Variants in TXNDC9 observed in about 807,000 individuals in gnomAD.
The protein encoded by TXNDC9 is thioredoxin domain-containing protein 9.
Under a neutral mutation model 23.0 loss-of-function variants are expected in TXNDC9, and 7 were observed. The observed-to-expected ratio is 0.30, with a 90% confidence interval of 0.17 to 0.57. The LOEUF (loss-of-function observed/expected upper bound fraction) is 0.57, where lower values mean the gene tolerates loss of function less well. Among genes scored for constraint, TXNDC9 ranks in the 20% least tolerant of loss-of-function variants. The probability of loss-of-function intolerance (pLI) is 0.90; values close to 1 mark genes in which losing one functional copy is unlikely to be tolerated. For synonymous variants in TXNDC9, 72 were observed against 90.6 expected (o/e 0.79, Z 1.17); for missense variants, 198 against 252.6 (o/e 0.78, Z 1.47).
the TXNDC9 span, among the ~76,000 whole-genome samples, chr2:99,307,141 C>G: frequency 0.014 from 1,894 of 132,016 alleles, 33 homozygotes; most frequent in Middle Eastern, 0.05. Flanking sequence ...TCTCTTCCTT[C>G]CTTGTTTTCT....
At chr2:99,328,284 A>G (rs2094217519) in intron 2 of TXNDC9, among the ~76,000 whole-genome samples, 1 of 142,422 alleles carries the variant, frequency 7.0e-6, no homozygotes, top group South Asian at 2.2e-4. Flanking sequence ...TTTTTTTGGT[A>G]GAGACGGGGT....
Position 99,333,167 on chromosome 2 carries a change from T to A in TXNDC9, c.44A>T (p.Glu15Val). ...ASVDMFSKVL[E>V]HQLLQTTKLV... ...TTTGGTAGTCTGAAGCAGCTGATGCTCCAGGACTTTGGAAAACATGTCAAC... is the reference window on the plus strand; with the variant it reads ...TTTGGTAGTCTGAAGCAGCTGATGCACCAGGACTTTGGAAAACATGTCAAC... Residue 15 changes from glutamate (E) to valine (V), a missense_variant, in exon 2 of 5, where the codon GAG becomes GTG. Coordinates refer to ENST00000264255, the MANE Select transcript of TXNDC9 (RefSeq NM_005783.4). 6.2e-7 allele frequency: 1 copy of A among 1,614,168 alleles called. No homozygotes were observed. Among genetic ancestry groups the A allele is most frequent in the Non-Finnish European group, 8.5e-7 (1 of 1,180,024 alleles).
chr2:99,315,287 G>C (rs906775285), downstream of TXNDC9, among the ~76,000 whole-genome samples: 45 of 151,632 alleles, frequency 3.0e-4, no homozygotes, highest in African/African-American at 1.1e-3. Flanking sequence ...GGATGGTCTC[G>C]ATCTCCTGAC....
chr2:99,327,052 C>A (rs1458502142), intron 3 of TXNDC9, among the ~76,000 whole-genome samples: 2 of 152,072 alleles, frequency 1.3e-5, no homozygotes, highest in East Asian at 3.9e-4. Context: ...TTAAGTTACT[C>A]TTTAAAATAA....
chr2:99,323,021 G>A (rs59992428), intron 3 of TXNDC9, among the ~76,000 whole-genome samples: 3 of 151,632 alleles, frequency 2.0e-5, no homozygotes, highest in South Asian at 2.1e-4. Flanking sequence ...TCGGCCTCCC[G>A]AAGTGCTAGG....
chr2:99,317,036 G>A (rs982336762), downstream of TXNDC9, among the ~76,000 whole-genome samples: 4 of 152,282 alleles, frequency 2.6e-5, no homozygotes, highest in East Asian at 1.9e-4. Context: ...GATTACAGGC[G>A]TGAGCTACCG....
chr2:99,318,156 G>A (rs1461872931), downstream of TXNDC9, among the ~76,000 whole-genome samples: 3 of 152,190 alleles, frequency 2.0e-5, no homozygotes, highest in African/African-American at 7.2e-5. Flanking sequence ...CTCCCCAAGT[G>A]CTGGGATTAC....
At chr2:99,328,928 G>A (rs1301156169) in intron 2 of TXNDC9, among the ~76,000 whole-genome samples, 1 of 152,166 alleles carries the variant, frequency 6.6e-6, no homozygotes, top group Non-Finnish European at 1.5e-5. Context: ...GGCAGAGGTT[G>A]CAGTGAGCTG....
the TXNDC9 span, chr2:99,306,706 G>A: frequency 3.0e-5 from 13 of 428,240 alleles, no homozygotes; most frequent in Non-Finnish European, 5.7e-5. Context: ...TCCCCACATT[G>A]CTGAACTGAG....
the TXNDC9 span, among the ~76,000 whole-genome samples, chr2:99,309,628 G>A: frequency 6.6e-6 from 1 of 152,104 alleles, no homozygotes; most frequent in Non-Finnish European, 1.5e-5. Context: ...GAGGTCAGGA[G>A]TTCGAGACCA....
intron 2 of TXNDC9, among the ~76,000 whole-genome samples, chr2:99,328,522 T>C (rs2094218038): frequency 6.6e-6 from 1 of 152,224 alleles, no homozygotes. Context: ...GACAATTACC[T>C]GTCTTTGTAG....
intron 4 of TXNDC9, chr2:99,321,265 G>A (rs1490382610): frequency 6.6e-6 from 1 of 151,938 alleles, no homozygotes; most frequent in Non-Finnish European, 1.5e-5. Flanking sequence ...ACTCTGGAAT[G>A]GTAAGTGCAC....
chr2:99,333,139 C>G lies in TXNDC9; in HGVS notation c.72G>C (p.Leu24=), dbSNP rs777101471. The change falls in exon 2 of 5, where the codon CTG becomes CTC. Residue 24 remains leucine, a synonymous_variant. Transcript: ENST00000264255. ...TTTCAGAATCCAAATGTTCTTCCAC[C>G]AGTTTGGTAGTCTGAAGCAGCTGAT... is the stretch of plus-strand genomic sequence containing the variant. ...LEHQLLQTTK[L]VEEHLDSEIQ... 5 of 1,614,112 alleles carry G rather than the reference C, an allele frequency of 3.1e-6. No individual in the cohort carries two copies. The highest frequency in any genetic ancestry group is 1.3e-5 in the African/African-American group (1 of 75,022).
At chr2:99,325,651 T>C (rs1428490704) in intron 3 of TXNDC9, among the ~76,000 whole-genome samples, 1 of 152,138 alleles carries the variant, frequency 6.6e-6, no homozygotes, top group African/African-American at 2.4e-5. Flanking sequence ...CAGAGAACAG[T>C]AGGTCACAAT....
the TXNDC9 span, among the ~76,000 whole-genome samples, chr2:99,313,928 T>A: frequency 6.6e-6 from 1 of 152,318 alleles, no homozygotes; most frequent in Non-Finnish European, 1.5e-5. Flanking sequence ...CAATACATCA[T>A]GGGTTTTCCA....
chr2:99,319,862 A>G, intron 4 of TXNDC9, 63 bp from the exon 5 acceptor site: 1 of 985,446 alleles, frequency 1.0e-6, no homozygotes. Flanking sequence ...AAACTGCACA[A>G]AAATCTATCT....
chr2:99,317,008 G>A (rs2094190728), downstream of TXNDC9, among the ~76,000 whole-genome samples: 1 of 152,062 alleles, frequency 6.6e-6, no homozygotes, highest in East Asian at 1.9e-4. Flanking sequence ...CGCCCGCCTT[G>A]GCCTCCCAAA....
intron 1 of TXNDC9, among the ~76,000 whole-genome samples, chr2:99,334,385 ATGAGAATAC>A (rs1200714592): frequency 6.6e-6 from 1 of 152,194 alleles, no homozygotes; most frequent in African/African-American, 2.4e-5. Context: ...CCACAAAACA[ATGAGAATAC>A]ATTCTGAGAA....
Position 99,327,530 on chromosome 2 carries a change from G to C in TXNDC9, c.308+5C>G. 6.3e-7 allele frequency: 1 copy of C among 1,593,226 alleles called. No individual in the cohort carries two copies. The highest frequency in any genetic ancestry group is 8.6e-7 in the Non-Finnish European group (1 of 1,162,842). The stretch of plus-strand genomic sequence containing the variant: ...AGAAAAAGTCACAGATGGAAACAAA[G>C]TTACCTGAATGTGGAGTCTCTGTAG... On this transcript the variant is annotated splice_donor_5th_base_variant and intron_variant, in intron 3 of 4. Transcript: ENST00000264255.
Sources: gnomAD v4.1 joint callset for allele counts (sites outside exome capture counted in the v4.1 genomes callset) on GRCh38, gnomAD v4.1.1 for gene constraint, MANE v1.5 for transcripts, NCBI Gene and HGNC (gene_info 2026-07-23, HGNC 2026-07-21) for gene names.